Variants in RP1L1 observed in about 807,000 individuals in gnomAD.
The protein encoded by RP1L1 is RP1 like 1.
Under a neutral mutation model 15.7 loss-of-function variants are expected in RP1L1, and 27 were observed. The observed-to-expected ratio is 1.72, with a 90% CI of 1.27 to 2.38. The LOEUF is 2.38. RP1L1 is among the 30% of genes most tolerant of loss of function. The pLI is 0.00. For synonymous variants in RP1L1, 1,813 were observed against 1,276.7 expected, an observed-to-expected ratio of 1.42 and a Z score of -8.96; for missense variants, 4,798 against 3,075.9, an observed-to-expected ratio of 1.56 and a Z score of -13.24.
chr8:10,619,265 C>G (rs757128279), intron 2 of RP1L1, among the ~76,000 whole-genome samples: 7 of 152,370 alleles, frequency 4.6e-5, no homozygotes, highest in Middle Eastern at 3.4e-3. Flanking sequence ...ATAAGATGCA[C>G]TTGAACAGGG....
chr8:10,631,395 ACG>A (rs1310141301), intron 1 of RP1L1, among the ~76,000 whole-genome samples: 5 of 142,800 alleles, frequency 3.5e-5, no homozygotes, highest in South Asian at 2.3e-4. Context: ...ATGCACACAC[ACG>A]CACACACACG....
rs1797707312 is a variant in RP1L1, at chr8:10,606,704, G to C, written c.*191C>G. On this transcript the variant is annotated 3_prime_UTR_variant, in exon 4 of 4. Coordinates refer to ENST00000382483, the MANE Select transcript of RP1L1 (RefSeq NM_178857.6). ...CACACTGCGTGTGGGACGGGCCGCA[G>C]AGCTCTCTGACACTTCTGGACTTAA... is the stretch of plus-strand genomic sequence containing the variant. The C allele has an allele frequency of 3.2e-6, 3 of 942,484 alleles. No homozygotes were observed. The highest frequency in any genetic ancestry group is 3.4e-4 in the Middle Eastern group (1 of 2,954). 58.4% of individuals were successfully genotyped at this position (942,484 alleles called of 1,614,324 possible).
chr8:10,640,827 A>G (rs1399580502), intron 1 of RP1L1, among the ~76,000 whole-genome samples: 1 of 152,094 alleles, frequency 6.6e-6, no homozygotes, highest in African/African-American at 2.4e-5. Flanking sequence ...CTGGAGTACA[A>G]TGGCGTAAAC....
At chr8:10,641,023 A>G (rs976078909) in intron 1 of RP1L1, among the ~76,000 whole-genome samples, 1 of 152,238 alleles carries the variant, frequency 6.6e-6, no homozygotes, top group African/African-American at 2.4e-5. Flanking sequence ...CTCTCGCCTC[A>G]GCCTCCCAAG....
chr8:10,612,574 A>T lies in RP1L1; in HGVS notation c.1524T>A (p.Asp508Glu). 1 of 1,606,272 alleles carries T rather than the reference A, an allele frequency of 6.2e-7. No homozygotes were observed. The highest frequency in any genetic ancestry group is 1.1e-5 in the South Asian group (1 of 91,066). The change falls in exon 4 of 4, where the codon GAT (aspartate) becomes GAA (glutamate). Residue 508 changes from aspartate to glutamate, a missense_variant. Transcript: ENST00000382483. ...GCTCTGGGCCGCCCAGCCCTGCTCC[A>T]TCTATGCATAGGCCGGGGTCCTCAC... ...SLGEDPGLCI[D>E]GAGLGGPEQG...
In RP1L1 at chr8:10,611,717, TC is replaced by T. The variant is rs777947978; in HGVS notation, c.2380del (p.Glu794LysfsTer135). 3 of 1,613,358 alleles carry T rather than the reference TC, an allele frequency of 1.9e-6. No individual in the cohort carries two copies. The highest frequency in any genetic ancestry group is 2.7e-5 in the African/African-American group (2 of 74,888). On this transcript the variant is annotated frameshift_variant, in exon 4 of 4. Transcript: ENST00000382483. LOFTEE classifies it low-confidence loss of function (END_TRUNC). The stretch of plus-strand genomic sequence containing the variant: ...GGGCTGAGGCGTGTCCCTGGCCTCT[TC>T]CCCCAGGCTGGCAGCCCCAGATTTT... ...CSKSGAASLG[E>X]EARDTPQPSS...
At position 10,611,091 on chromosome 8, in the gene RP1L1, G is replaced by A. The variant is rs1397038860; in HGVS notation, c.3007C>T (p.Leu1003=). The change falls in exon 4 of 4, where the codon CTG becomes TTG. Residue 1003 remains leucine (L), a synonymous_variant. Coordinates refer to ENST00000382483, the MANE Select transcript of RP1L1 (RefSeq NM_178857.6). ...TGTCCCGCCTGAGCTGGCTCCCCCAGGCCTTCCAGAGAATGGTCATCCCCA... is the reference window on the plus strand; with the variant it reads ...TGTCCCGCCTGAGCTGGCTCCCCCAAGCCTTCCAGAGAATGGTCATCCCCA... ...DPGDDHSLEG[L]GEPAQAGQQS... is the part of the protein sequence containing the mutation. The A allele has an allele frequency of 2.1e-5, 34 of 1,612,878 alleles. No homozygotes were observed. Among genetic ancestry groups the A allele is most frequent in the Non-Finnish European group, 2.7e-5 (32 of 1,180,004 alleles).
intron 1 of RP1L1, among the ~76,000 whole-genome samples, chr8:10,647,772 T>C (rs1036114691): frequency 6.6e-6 from 1 of 152,248 alleles, no homozygotes; most frequent in Non-Finnish European, 1.5e-5. Flanking sequence ...TTCTACCTTT[T>C]GGCTATTGTG....
chr8:10,614,904 C>T (rs1413716360), intron 3 of RP1L1, among the ~76,000 whole-genome samples: 2 of 152,046 alleles, frequency 1.3e-5, no homozygotes, highest in African/African-American at 4.8e-5. Flanking sequence ...TGCACATGTA[C>T]CCTAAAACTT....
chr8:10,630,377 C>CTACTCAGTGTGT (rs1458924965), intron 1 of RP1L1, among the ~76,000 whole-genome samples: 1 of 152,248 alleles, frequency 6.6e-6, no homozygotes, highest in East Asian at 1.9e-4. Context: ...AGCTGAGTTC[C>CTACTCAGTGTGT]AGGACTGTTC....
At position 10,622,690 on chromosome 8, in the gene RP1L1, C is replaced by G. The variant is rs1027434884; in HGVS notation, c.512G>C (p.Ser171Thr). The G allele has an allele frequency of 6.2e-7, 1 of 1,614,182 alleles. No individual in the cohort carries two copies. Among genetic ancestry groups the G allele is most frequent in the Non-Finnish European group, 8.5e-7 (1 of 1,180,040 alleles). The change falls in exon 2 of 4, where the codon AGT becomes ACT. Residue 171 changes from serine (S) to threonine (T), a missense_variant. Physicochemically the swap from Ser to Thr is moderately conservative, Grantham distance 58. Coordinates refer to ENST00000382483, the MANE Select transcript of RP1L1 (RefSeq NM_178857.6). ...DPRLQQTVVL[S>T]HRNTRNLAAF... The stretch of plus-strand genomic sequence containing the variant: ...GGCCAGGTTCCTAGTATTCCTGTGA[C>G]TGAGAACCACTGTCTGCTGGAGGCG...
At position 10,608,941 on chromosome 8, in the gene RP1L1, G is replaced by T; in HGVS notation, c.5157C>A (p.Ser1719Arg). Reference protein sequence around the residue: ...APGKTHTDPTSTRTVQGAEGG... With the variant: ...APGKTHTDPTRTRTVQGAEGG... ...CCTCAGCTCCCTGGACAGTCCTAGT[G>T]CTCGTGGGGTCCGTGTGGGTCTTGC... The change falls in exon 4 of 4, where the codon AGC (serine) becomes AGA (arginine). Residue 1719 changes from serine (S) to arginine (R), a missense_variant. By Grantham distance (110) the Ser-to-Arg change is moderately radical. Coordinates refer to ENST00000382483, the MANE Select transcript of RP1L1 (RefSeq NM_178857.6). The T allele has an allele frequency of 6.2e-7, 1 of 1,614,044 alleles. No homozygotes were observed. Among genetic ancestry groups the T allele is most frequent in the Non-Finnish European group, 8.5e-7 (1 of 1,179,980 alleles).
At chr8:10,643,554 G>A (rs1798436095) in intron 1 of RP1L1, among the ~76,000 whole-genome samples, 1 of 152,172 alleles carries the variant, frequency 6.6e-6, no homozygotes, top group South Asian at 2.1e-4. Context: ...TCAGAAAGGA[G>A]AGAAAAGCAT....
At chr8:10,626,123 A>G (rs975996322) in intron 1 of RP1L1, among the ~76,000 whole-genome samples, 1 of 152,160 alleles carries the variant, frequency 6.6e-6, no homozygotes, top group Non-Finnish European at 1.5e-5. Context: ...GCGGACCTGC[A>G]GGGAGGAAAC....
rs773240232 is a variant in RP1L1 at position 10,613,112 on chromosome 8, A to G, written c.986T>C (p.Phe329Ser). The change falls in exon 4 of 4, where the codon TTC becomes TCC. Residue 329 changes from phenylalanine (F) to serine (S), a missense_variant. Physicochemically the swap from Phe to Ser is radical, Grantham distance 155. Transcript: ENST00000382483. Reference sequence around the variant, plus strand: ...GAGCGTGTCCTCGCCGACCAGGTGGAAGCGGACTTTCATCTCCACGGACAG... The same window carrying G: ...GAGCGTGTCCTCGCCGACCAGGTGGGAGCGGACTTTCATCTCCACGGACAG... The part of the protein sequence containing the change: ...GSLSVEMKVR[F>S]HLVGEDTLLW... 2 of 1,613,806 alleles carry G rather than the reference A, an allele frequency of 1.2e-6. No homozygotes were observed. The highest frequency in any genetic ancestry group is 1.7e-6 in the Non-Finnish European group (2 of 1,180,044).
chr8:10,608,537 G>C lies in RP1L1; in HGVS notation c.5561C>G (p.Pro1854Arg). Residue 1854 changes from proline to arginine, a missense_variant, in exon 4 of 4, where the codon CCA (proline) becomes CGA (arginine). Pro to Arg is a moderately radical substitution (Grantham distance 103). Transcript: ENST00000382483. ...CTCCTGGGCATCCCCTTCTGCCTCT[G>C]GGGCCTCTACACCTTCTGACTCTGG... Reference protein sequence around the residue: ...AQPESEGVEAPEAEGDAQEAE... With the variant: ...AQPESEGVEAREAEGDAQEAE... 1 of 1,592,350 alleles carries C rather than the reference G, an allele frequency of 6.3e-7. No individual in the cohort carries two copies. Among genetic ancestry groups the C allele is most frequent in the Non-Finnish European group, 8.6e-7 (1 of 1,166,262 alleles).
chr8:10,623,392 C>T (rs1212456538), intron 1 of RP1L1, among the ~76,000 whole-genome samples, 172 bp from the exon 2 acceptor site: 1 of 152,178 alleles, frequency 6.6e-6, no homozygotes, highest in Non-Finnish European at 1.5e-5. Flanking sequence ...AAAAGTTGGG[C>T]ATGGGACAGA....
In RP1L1 at chr8:10,607,092, C is replaced by A; in HGVS notation, c.7006G>T (p.Ala2336Ser). ...PDAKSTGTPH[A>S]ERKATRMYPE... ...TACATCCTGGTGGCCTTCCTCTCTGCATGAGGGGTCCCCGTGGACTTGGCA... is the reference window on the plus strand; with the variant it reads ...TACATCCTGGTGGCCTTCCTCTCTGAATGAGGGGTCCCCGTGGACTTGGCA... Residue 2336 changes from alanine to serine, a missense_variant, in exon 4 of 4, where the codon GCA (alanine) becomes TCA (serine). Transcript: ENST00000382483. The A allele has an allele frequency of 2.5e-6, 4 of 1,614,232 alleles. No individual in the cohort carries two copies. The highest frequency in any genetic ancestry group is 3.4e-6 in the Non-Finnish European group (4 of 1,180,040).
intron 1 of RP1L1, among the ~76,000 whole-genome samples, chr8:10,633,557 G>T (rs563335007): frequency 1.3e-5 from 2 of 152,158 alleles, no homozygotes; most frequent in Non-Finnish European, 2.9e-5. Flanking sequence ...TATGTGCTAG[G>T]CGCAGGGGAG....
Sources: gnomAD v4.1 joint callset for allele counts (sites outside exome capture counted in the v4.1 genomes callset) on GRCh38, gnomAD v4.1.1 for gene constraint, MANE v1.5 for transcripts, NCBI Gene and HGNC (gene_info 2026-07-23, HGNC 2026-07-21) for gene names.